The following BMPR1B variants were observed in gnomAD, a reference collection of about 807,000 sequenced individuals.
BMPR1B encodes bone morphogenetic protein receptor type 1B.
In BMPR1B, 12 loss-of-function variants were observed where a neutral mutation model predicts 59.1. The ratio of observed to expected loss-of-function variants is 0.20; its 90% CI spans 0.13 to 0.33. The LOEUF (loss-of-function observed/expected upper bound fraction) is 0.33. Among genes scored for constraint, BMPR1B ranks in the 10% least tolerant of loss-of-function variants. The probability of loss-of-function intolerance (pLI) is 1.00; values close to 1 mark genes in which losing one functional copy is unlikely to be tolerated. For synonymous variants in BMPR1B, 237 were observed against 207.3 expected, an observed-to-expected ratio of 1.14 and a Z score of -1.23; for missense variants, 550 against 610.9, an observed-to-expected ratio of 0.90 and a Z score of 1.05.
chr4:94,894,399 CT>C (rs1488588689), intron 2 of BMPR1B, among the ~76,000 whole-genome samples: 1 of 151,422 alleles, frequency 6.6e-6, no homozygotes, highest in African/African-American at 2.4e-5. Context: ...CTTTCCCCAC[CT>C]TTTTTCCCTC....
chr4:95,113,740 T>C (rs1731799756), intron 4 of BMPR1B, among the ~76,000 whole-genome samples: 1 of 152,090 alleles, frequency 6.6e-6, no homozygotes, highest in South Asian at 2.1e-4. Context: ...TTTATTTTAG[T>C]CCCAAAGGGC....
At chr4:95,099,467 T>C (rs775003924) in intron 3 of BMPR1B, among the ~76,000 whole-genome samples, 2 of 152,160 alleles carry the variant, frequency 1.3e-5, no homozygotes, top group African/African-American at 4.8e-5. Context: ...ATTGTAAAAA[T>C]TTGATAATAT....
chr4:94,868,344 ATTTTT>A (rs931816963), intron 1 of BMPR1B, among the ~76,000 whole-genome samples: 3 of 151,370 alleles, frequency 2.0e-5, no homozygotes, highest in Non-Finnish European at 4.4e-5. Flanking sequence ...TAATTTTTGT[ATTTTT>A]TTAGTAGAGA....
chr4:95,026,154 C>CTTTT (rs1724396583), intron 3 of BMPR1B, among the ~76,000 whole-genome samples: 1 of 147,374 alleles, frequency 6.8e-6, no homozygotes, highest in South Asian at 2.2e-4. Flanking sequence ...TTCTTTCTTT[C>CTTTT]TTTCTTTCTC....
intron 10 of BMPR1B, among the ~76,000 whole-genome samples, chr4:95,142,218 C>A (rs1400068483): frequency 6.6e-6 from 1 of 152,312 alleles, no homozygotes; most frequent in East Asian, 1.9e-4. Context: ...TTCAATTCTG[C>A]AAGTCAGTTC....
chr4:94,774,939 A>G (rs1327876807), intron 1 of BMPR1B, among the ~76,000 whole-genome samples: 1 of 152,106 alleles, frequency 6.6e-6, no homozygotes, highest in Non-Finnish European at 1.5e-5. Flanking sequence ...TTTAAAGTAC[A>G]TGAGGAACCT....
chr4:94,853,990 T>G (rs1278031481), intron 1 of BMPR1B, among the ~76,000 whole-genome samples: 1 of 152,124 alleles, frequency 6.6e-6, no homozygotes, highest in African/African-American at 2.4e-5. Context: ...GTGATCAGAG[T>G]ACTTAACCTA....
intron 2 of BMPR1B, among the ~76,000 whole-genome samples, chr4:94,928,528 G>A (rs949080406): frequency 6.6e-6 from 1 of 150,966 alleles, no homozygotes; most frequent in South Asian, 2.1e-4. Flanking sequence ...GACAGCATTG[G>A]GCGGGCCCTC....
intron 3 of BMPR1B, among the ~76,000 whole-genome samples, chr4:95,095,922 A>G (rs1161822063): frequency 6.6e-6 from 1 of 151,788 alleles, no homozygotes; most frequent in African/African-American, 2.4e-5. Flanking sequence ...CTAAAACTAA[A>G]TACAGTTAAA....
chr4:94,956,802 T>C (rs1560566683), intron 2 of BMPR1B, among the ~76,000 whole-genome samples: 1 of 110,326 alleles, frequency 9.1e-6, no homozygotes, highest in Admixed American at 8.4e-5. Context: ...AAAGAAAGAA[T>C]TTAATTTTTT....
chr4:94,889,780 T>A (rs1371918069), intron 2 of BMPR1B, among the ~76,000 whole-genome samples: 3 of 152,004 alleles, frequency 2.0e-5, no homozygotes, highest in African/African-American at 7.2e-5. Flanking sequence ...GTGAAGTGAC[T>A]CTAGGTTTTT....
intron 6 of BMPR1B, among the ~76,000 whole-genome samples, chr4:95,120,483 T>G (rs539796293): frequency 2.0e-4 from 30 of 152,278 alleles, no homozygotes; most frequent in African/African-American, 7.0e-4. Flanking sequence ...GTATCTTCAC[T>G]GATGGTATGA....
intron 3 of BMPR1B, among the ~76,000 whole-genome samples, chr4:95,017,627 A>G (rs150219743): frequency 2.4e-3 from 365 of 152,304 alleles, no homozygotes; most frequent in African/African-American, 8.2e-3. Flanking sequence ...CAGTATTTCA[A>G]TATTTCATCA....
At chr4:95,033,099 T>C (rs1021968854) in intron 3 of BMPR1B, among the ~76,000 whole-genome samples, 5 of 152,258 alleles carry the variant, frequency 3.3e-5, no homozygotes, top group South Asian at 4.1e-4. Context: ...GCAGTTCTTA[T>C]ATCTTCCTAA....
intron 1 of BMPR1B, among the ~76,000 whole-genome samples, chr4:94,873,661 C>G (rs1471981332): frequency 2.0e-5 from 3 of 152,072 alleles, no homozygotes; most frequent in Non-Finnish European, 4.4e-5. Context: ...GCCCACCTCG[C>G]CCTCCCAAAG....
chr4:94,772,255 T>G (rs557315415), intron 1 of BMPR1B, among the ~76,000 whole-genome samples: 1 of 152,310 alleles, frequency 6.6e-6, no homozygotes, highest in South Asian at 2.1e-4. Flanking sequence ...ACACACTTTT[T>G]CCAGAAAGGA....
chr4:94,917,406 G>C (rs1286318349), intron 2 of BMPR1B, among the ~76,000 whole-genome samples: 2 of 152,344 alleles, frequency 1.3e-5, no homozygotes, highest in Middle Eastern at 3.4e-3. Flanking sequence ...AAGCCACAGG[G>C]GTGGAGCTTC....
At chr4:94,776,730 C>T (rs998038137) in intron 1 of BMPR1B, among the ~76,000 whole-genome samples, 4 of 152,120 alleles carry the variant, frequency 2.6e-5, no homozygotes, top group African/African-American at 9.7e-5. Flanking sequence ...AGAATCCATC[C>T]AGTTACTACA....
intron 1 of BMPR1B, among the ~76,000 whole-genome samples, chr4:94,873,629 C>T (rs1353947816): frequency 3.9e-5 from 6 of 152,076 alleles, no homozygotes; most frequent in Non-Finnish European, 5.9e-5. Flanking sequence ...AAGATGGTCT[C>T]GATCTCCTGA....
Sources: allele counts gnomAD v4.1 joint callset (sites outside exome capture counted in the v4.1 genomes callset), GRCh38; gene constraint gnomAD v4.1.1; transcripts MANE v1.5; gene names NCBI Gene and HGNC (gene_info 2026-07-23, HGNC 2026-07-21).